Variants in FUT9 observed in about 807,000 individuals in gnomAD.
FUT9 encodes the protein 4-galactosyl-N-acetylglucosaminide 3-alpha-L-fucosyltransferase 9.
Under a neutral mutation model 29.7 loss-of-function variants are expected in FUT9, and 15 were observed. That is an observed-to-expected ratio of 0.51 (90% CI 0.34 to 0.78). The LOEUF (loss-of-function observed/expected upper bound fraction) is 0.78, where lower values mean the gene tolerates loss of function less well. FUT9 is among the 30% of genes least tolerant of loss of function. The pLI is 0.01. For missense variants in FUT9, 319 were observed against 425.4 expected, an observed-to-expected ratio of 0.75 and a Z score of 2.20; for synonymous variants, 169 against 153.7, an observed-to-expected ratio of 1.10 and a Z score of -0.74.
At chr6:96,088,317 T>C (rs1161997872) in intron 1 of FUT9, among the ~76,000 whole-genome samples, 1 of 152,068 alleles carries the variant, frequency 6.6e-6, no homozygotes, top group African/African-American at 2.4e-5. Flanking sequence ...TATTATGATA[T>C]GCTGTGGTAT....
At chr6:96,143,331 G>A (rs1259143166) in intron 2 of FUT9, among the ~76,000 whole-genome samples, 1 of 152,148 alleles carries the variant, frequency 6.6e-6, no homozygotes, top group Non-Finnish European at 1.5e-5. Flanking sequence ...CATAAATTTT[G>A]GTTGTTTCTA....
At chr6:96,074,076 G>C (rs1024403726) in intron 1 of FUT9, among the ~76,000 whole-genome samples, 6 of 152,132 alleles carry the variant, frequency 3.9e-5, no homozygotes, top group African/African-American at 1.4e-4. Context: ...CATTAGCCCA[G>C]ATGATTCCAG....
intron 2 of FUT9, among the ~76,000 whole-genome samples, chr6:96,136,162 T>G (rs1330186976): frequency 6.6e-6 from 1 of 151,776 alleles, no homozygotes; most frequent in African/African-American, 2.4e-5. Flanking sequence ...AGTGGGCATA[T>G]TTTAAAATCA....
chr6:96,055,778 C>T (rs527481560), intron 1 of FUT9, among the ~76,000 whole-genome samples: 1 of 148,266 alleles, frequency 6.7e-6, no homozygotes, highest in Non-Finnish European at 1.5e-5. Context: ...CTCCAGGCCT[C>T]AAGTGATCTG....
chr6:96,099,357 T>C (rs1457420060), intron 1 of FUT9, among the ~76,000 whole-genome samples: 2 of 152,176 alleles, frequency 1.3e-5, no homozygotes, highest in African/African-American at 2.4e-5. Flanking sequence ...AAACTGTACA[T>C]GCTATTCTGA....
rs562184511 is a variant in FUT9 at position 96,104,808 on chromosome 6, G to A, written c.-97-9231G>A. On this transcript the variant is annotated intron_variant, in intron 1 of 2. Transcript: ENST00000302103. The stretch of plus-strand genomic sequence containing the variant: ...GCCTCCCAAAGTGCTGGGATTACAG[G>A]CATGAGCCACCGCGCCTGGCCACAC... Among the ~76,000 whole-genome samples the A allele has an allele frequency of 3.3e-5, 5 of 152,246 alleles. No individual in the cohort carries two copies. In the South Asian group the frequency reaches 1.0e-3, roughly 32 times the overall value.
chr6:96,159,639 C>T (rs966827024), intron 2 of FUT9, among the ~76,000 whole-genome samples: 2 of 151,990 alleles, frequency 1.3e-5, no homozygotes, highest in Non-Finnish European at 2.9e-5. Context: ...GTTTCAAAGC[C>T]CCCTTCATGC....
chr6:96,149,146 C>T (rs1294117352), intron 2 of FUT9, among the ~76,000 whole-genome samples: 2 of 135,082 alleles, frequency 1.5e-5, no homozygotes, highest in African/African-American at 2.7e-5. Flanking sequence ...CTGGGCAACA[C>T]AGTGAGACTC....
At chr6:96,130,934 C>T (rs955814889) in intron 2 of FUT9, among the ~76,000 whole-genome samples, 4 of 152,084 alleles carry the variant, frequency 2.6e-5, no homozygotes, top group African/African-American at 9.7e-5. Context: ...ACATTTTCTC[C>T]TGATCCTTTT....
intron 1 of FUT9, among the ~76,000 whole-genome samples, chr6:96,051,072 T>A (rs531700416): frequency 6.6e-6 from 1 of 151,912 alleles, no homozygotes; most frequent in Non-Finnish European, 1.5e-5. Flanking sequence ...GATTCTCCAA[T>A]GTGAAGAGAT....
chr6:96,093,431 A>T (rs943980279), intron 1 of FUT9, among the ~76,000 whole-genome samples: 9 of 152,122 alleles, frequency 5.9e-5, no homozygotes, highest in African/African-American at 2.2e-4. Flanking sequence ...GAGTGACAGG[A>T]TATAGATACT....
chr6:96,023,722 A>T (rs1770113542), intron 1 of FUT9, among the ~76,000 whole-genome samples: 1 of 151,962 alleles, frequency 6.6e-6, no homozygotes, highest in South Asian at 2.1e-4. Context: ...GTGATAATCC[A>T]TTCCAAGCTT....
intron 2 of FUT9, among the ~76,000 whole-genome samples, chr6:96,160,110 G>A (rs4642486): frequency 0.93 from 142,172 of 152,212 alleles, 67,187 homozygotes; most frequent in East Asian, 1. Flanking sequence ...AGACATTTTG[G>A]TTGAGCTTTT....
At chr6:96,122,017 G>A (rs1772037676) in intron 2 of FUT9, among the ~76,000 whole-genome samples, 1 of 151,956 alleles carries the variant, frequency 6.6e-6, no homozygotes, top group East Asian at 2.0e-4. Flanking sequence ...AGGAGAAGAT[G>A]AGATGCGCTG....
intron 1 of FUT9, among the ~76,000 whole-genome samples, chr6:96,093,138 A>G (rs996260452): frequency 2.0e-5 from 3 of 152,072 alleles, no homozygotes; most frequent in Non-Finnish European, 1.5e-5. Flanking sequence ...TGTGATTAGT[A>G]TCTATCCTCC....
intron 1 of FUT9, among the ~76,000 whole-genome samples, chr6:96,066,168 ATAGT>A (rs1169907976): frequency 6.6e-6 from 1 of 152,070 alleles, no homozygotes; most frequent in Admixed American, 6.5e-5. Flanking sequence ...TAGTAAGGAA[ATAGT>A]TAAGAAAGTT....
rs930458539 is a variant in FUT9 at position 96,208,746 on chromosome 6, A to T, written c.*4511A>T. ...TCTATGCAAATATTAGTAACATATC[A>T]ACTGTTTCTAAAAGGAAAGAAAATT... On this transcript the variant is annotated 3_prime_UTR_variant, in exon 3 of 3. Coordinates refer to ENST00000302103, the MANE Select transcript of FUT9 (RefSeq NM_006581.4). 1 of 166,854 alleles carries T rather than the reference A, an allele frequency of 6.0e-6. No individual in the cohort carries two copies. Among genetic ancestry groups the T allele is most frequent in the Non-Finnish European group, 1.5e-5 (1 of 68,024 alleles). The allele number at this position is 166,854 out of a possible 1,614,324, so 10.3% of individuals were successfully genotyped here.
At chr6:96,053,931 A>G (rs7739988) in intron 1 of FUT9, among the ~76,000 whole-genome samples, 82,389 of 151,858 alleles carry the variant, frequency 0.54, 22,487 homozygotes, top group South Asian at 0.63. Flanking sequence ...ATTTGTGAAC[A>G]TAATACTATA....
At position 96,206,137 on chromosome 6, in the gene FUT9, T is replaced by G. The variant is rs1773825131; in HGVS notation, c.*1902T>G. ...TCCGAATGACGTTTGTATGGGTCAA[T>G]GCTGATTTAATGGGGAAAAAAAGTA... On this transcript the variant is annotated 3_prime_UTR_variant, in exon 3 of 3. Coordinates refer to ENST00000302103, the MANE Select transcript of FUT9 (RefSeq NM_006581.4). The G allele has an allele frequency of 6.0e-6, 1 of 167,072 alleles. No individual in the cohort carries two copies. Among genetic ancestry groups the G allele is most frequent in the African/African-American group, 2.4e-5 (1 of 41,452 alleles). The allele number at this position is 167,072 out of a possible 1,614,324, so 10.3% of individuals were successfully genotyped here. A position where few individuals can be genotyped will look rare whatever the true frequency, so the allele number is the denominator to read the frequency against.
Sources: allele counts gnomAD v4.1 joint callset (sites outside exome capture counted in the v4.1 genomes callset), GRCh38; gene constraint gnomAD v4.1.1; transcripts MANE v1.5; gene names NCBI Gene and HGNC (gene_info 2026-07-23, HGNC 2026-07-21).